Variants in ARNT observed in about 807,000 individuals in gnomAD.
The protein encoded by ARNT is aryl hydrocarbon receptor nuclear translocator, also known as class E basic helix-loop-helix protein 2.
A neutral mutation model predicts 105.0 loss-of-function variants in ARNT; 30 were observed. That is an observed-to-expected ratio of 0.29 (90% confidence interval 0.21 to 0.39). The LOEUF is 0.39. Ranked by LOEUF, ARNT falls within the 10% of genes least tolerant of loss-of-function variation. The probability of loss-of-function intolerance (pLI) is 1.00; values close to 1 mark genes in which losing one functional copy is unlikely to be tolerated. For synonymous variants in ARNT, 304 were observed against 344.0 expected (o/e 0.88, Z 1.29); for missense variants, 748 against 978.7 (o/e 0.76, Z 3.15).
intron 10 of ARNT, among the ~76,000 whole-genome samples, chr1:150,830,693 T>C (rs1307055361): frequency 1.3e-5 from 2 of 152,140 alleles, no homozygotes; most frequent in Non-Finnish European, 1.5e-5. Context: ...CAAAATGAAG[T>C]TATACCAACC....
At chr1:150,841,382 G>A (rs1661276743) in intron 5 of ARNT, among the ~76,000 whole-genome samples, 1 of 151,774 alleles carries the variant, frequency 6.6e-6, no homozygotes, top group South Asian at 2.1e-4. Context: ...GAAGAGCAAA[G>A]GGAGGTCAAG....
intron 19 of ARNT, among the ~76,000 whole-genome samples, chr1:150,815,503 C>T (rs587758216): frequency 1.6e-4 from 23 of 148,218 alleles, no homozygotes; most frequent in African/African-American, 4.5e-4. Flanking sequence ...GAGCCGAGAT[C>T]GCGCCACTGC....
At chr1:150,865,645 T>C (rs879613321) in intron 1 of ARNT, among the ~76,000 whole-genome samples, 5 of 152,164 alleles carry the variant, frequency 3.3e-5, no homozygotes, top group Non-Finnish European at 5.9e-5. Context: ...CTGGAGAGTA[T>C]AAATCAAAGG....
intron 4 of ARNT, 100 bp downstream of exon 4, chr1:150,846,163 C>A: frequency 1.1e-6 from 1 of 927,486 alleles, no homozygotes; most frequent in South Asian, 1.7e-5. Flanking sequence ...AGAGAAATTC[C>A]GTCTCATCCA....
Position 150,829,230 on chromosome 1 carries a change from G to A in ARNT, c.1033-3C>T. 1 of 1,612,646 alleles carries A rather than the reference G, an allele frequency of 6.2e-7. No individual in the cohort carries two copies. Among genetic ancestry groups the A allele is most frequent in the Non-Finnish European group, 8.5e-7 (1 of 1,179,098 alleles). ...GTACAGTTGGGAGAACTAGTTACCTGAGAGTGAAGAGATAAAAATGAGGTA... is the reference window on the plus strand; with the variant it reads ...GTACAGTTGGGAGAACTAGTTACCTAAGAGTGAAGAGATAAAAATGAGGTA... On this transcript the variant is annotated splice_region_variant and splice_polypyrimidine_tract_variant and intron_variant, in intron 11 of 21. Coordinates refer to ENST00000358595, the MANE Select transcript of ARNT (RefSeq NM_001668.4).
intron 12 of ARNT, among the ~76,000 whole-genome samples, chr1:150,828,479 G>A (rs1472086755): frequency 6.6e-6 from 1 of 151,812 alleles, no homozygotes; most frequent in African/African-American, 2.4e-5. Flanking sequence ...CCTTATTCTG[G>A]TCTATTGATC....
At chr1:150,859,698 T>C (rs983643257) in intron 1 of ARNT, among the ~76,000 whole-genome samples, 8 of 152,088 alleles carry the variant, frequency 5.3e-5, no homozygotes, top group South Asian at 2.1e-4. Context: ...AGTTTATATA[T>C]ACCTAACTCT....
chr1:150,834,898 A>T (rs913602877), intron 7 of ARNT: 1 of 397,144 alleles, frequency 2.5e-6, no homozygotes, highest in African/African-American at 2.0e-5. Context: ...GGAAAGTAGT[A>T]GTAGAAAACA....
At chr1:150,844,997 A>G (rs1483109037) in intron 4 of ARNT, among the ~76,000 whole-genome samples, 2 of 151,996 alleles carry the variant, frequency 1.3e-5, no homozygotes, top group African/African-American at 4.8e-5. Flanking sequence ...TTTAGTAGAG[A>G]TGGGGTTTCA....
intron 5 of ARNT, among the ~76,000 whole-genome samples, chr1:150,841,633 G>A (rs1263651985): frequency 6.6e-6 from 1 of 152,160 alleles, no homozygotes; most frequent in Non-Finnish European, 1.5e-5. Context: ...ACAGATACTA[G>A]AAAACAGAAA....
chr1:150,870,551 A>G (rs981518729), intron 1 of ARNT, among the ~76,000 whole-genome samples: 3 of 152,132 alleles, frequency 2.0e-5, no homozygotes, highest in Non-Finnish European at 4.4e-5. Context: ...CTAGTCACCC[A>G]GACAGGAATG....
At chr1:150,849,695 C>T (rs1662950172) in intron 3 of ARNT, among the ~76,000 whole-genome samples, 1 of 151,952 alleles carries the variant, frequency 6.6e-6, no homozygotes, top group Non-Finnish European at 1.5e-5. Flanking sequence ...CCCTGGAGTT[C>T]GAGGCTGTAG....
At position 150,811,467 on chromosome 1, in the gene ARNT, C is replaced by CACACAA. The variant is rs1284566042; in HGVS notation, c.*553_*554insTTGTGT. The CACACAA allele has an allele frequency of 8.6e-6, 2 of 232,006 alleles. No individual in the cohort carries two copies. The highest frequency in any genetic ancestry group is 1.2e-4 in the East Asian group (2 of 16,714). 14.4% of individuals were successfully genotyped at this position (232,006 alleles called of 1,614,324 possible). On this transcript the variant is annotated 3_prime_UTR_variant, in exon 22 of 22. Coordinates refer to ENST00000358595, the MANE Select transcript of ARNT (RefSeq NM_001668.4). ...ACAGAAGCATGTGTGCGCACACACA[C>CACACAA]ACACACACACATACACACACACTCT... is the stretch of plus-strand genomic sequence containing the variant.
chr1:150,865,035 T>C (rs1169455158), intron 1 of ARNT, among the ~76,000 whole-genome samples: 1 of 151,398 alleles, frequency 6.6e-6, no homozygotes, highest in Non-Finnish European at 1.5e-5. Context: ...AAGATGAAAA[T>C]ATAAATTAAA....
intron 14 of ARNT, among the ~76,000 whole-genome samples, chr1:150,821,795 T>C (rs1657130193): frequency 6.6e-6 from 1 of 151,526 alleles, no homozygotes; most frequent in Admixed American, 6.6e-5. Flanking sequence ...ACTATAGGCG[T>C]GTGCCACCAT....
intron 13 of ARNT, among the ~76,000 whole-genome samples, chr1:150,825,791 A>G (rs1658096997): frequency 6.6e-6 from 1 of 151,904 alleles, no homozygotes; most frequent in Non-Finnish European, 1.5e-5. Flanking sequence ...AGAGGTTACA[A>G]TGAGCTGAGA....
At chr1:150,851,619 C>A (rs587597863) in intron 3 of ARNT, among the ~76,000 whole-genome samples, 3 of 152,132 alleles carry the variant, frequency 2.0e-5, no homozygotes, top group Non-Finnish European at 4.4e-5. Flanking sequence ...GGATTAAGGG[C>A]GGTGCAAGAT....
chr1:150,847,890 TG>T (rs1662543097), intron 3 of ARNT, among the ~76,000 whole-genome samples: 1 of 152,226 alleles, frequency 6.6e-6, no homozygotes, highest in Non-Finnish European at 1.5e-5. Context: ...TCACGGTTGT[TG>T]TTTTCAAGAG....
intron 19 of ARNT, among the ~76,000 whole-genome samples, chr1:150,815,000 G>A (rs902622863): frequency 3.9e-5 from 6 of 152,120 alleles, no homozygotes; most frequent in Non-Finnish European, 7.4e-5. Flanking sequence ...TTCAGAAAGT[G>A]AAGGAAAATA....
Sources: allele counts gnomAD v4.1 joint callset (sites outside exome capture counted in the v4.1 genomes callset), GRCh38; gene constraint gnomAD v4.1.1; transcripts MANE v1.5; gene names NCBI Gene and HGNC (gene_info 2026-07-23, HGNC 2026-07-21).